Variants in SLC35F3 observed in about 807,000 individuals in gnomAD.
The protein encoded by SLC35F3 is solute carrier family 35 member F3.
Under a neutral mutation model 49.9 loss-of-function variants are expected in SLC35F3, and 25 were observed. That is an observed-to-expected ratio of 0.50 (90% CI 0.37 to 0.70). The LOEUF (loss-of-function observed/expected upper bound fraction) is 0.70, where lower values mean the gene tolerates loss of function less well. Among genes scored for constraint, SLC35F3 ranks in the 30% least tolerant of loss-of-function variants. The pLI, the probability that SLC35F3 is intolerant of heterozygous loss-of-function variation, is 0.00. For missense variants in SLC35F3, 525 were observed against 639.8 expected (o/e 0.82, Z 1.94); for synonymous variants, 275 against 265.4 (o/e 1.04, Z -0.35).
chr1:234,256,769 T>C (rs1479794136), intron 3 of SLC35F3, among the ~76,000 whole-genome samples: 1 of 152,226 alleles, frequency 6.6e-6, no homozygotes, highest in African/African-American at 2.4e-5. Context: ...GTTTCTCCTT[T>C]TGTAAATATT....
At chr1:234,218,519 G>A (rs1385830828) in intron 2 of SLC35F3, among the ~76,000 whole-genome samples, 1 of 152,178 alleles carries the variant, frequency 6.6e-6, no homozygotes, top group African/African-American at 2.4e-5. Context: ...ACTATGCTAG[G>A]AGAGATTGTT....
intron 2 of SLC35F3, among the ~76,000 whole-genome samples, chr1:234,064,609 T>G (rs1180057737): frequency 6.6e-6 from 1 of 152,194 alleles, no homozygotes; most frequent in Non-Finnish European, 1.5e-5. Context: ...TTCTTTATAG[T>G]TGTTGTGCTG....
intron 2 of SLC35F3, among the ~76,000 whole-genome samples, chr1:233,944,246 A>G (rs1401321711): frequency 6.6e-6 from 1 of 152,240 alleles, no homozygotes; most frequent in African/African-American, 2.4e-5. Flanking sequence ...CAACAAATCC[A>G]GGAGTTGTTT....
chr1:234,267,501 C>T (rs1405658382), intron 3 of SLC35F3, among the ~76,000 whole-genome samples: 40 of 139,130 alleles, frequency 2.9e-4, no homozygotes, highest in South Asian at 4.6e-4. Context: ...GCTGGCCGGG[C>T]GGGGGGCTGA....
chr1:234,030,889 G>T (rs6672833), intron 2 of SLC35F3, among the ~76,000 whole-genome samples: 21,558 of 152,138 alleles, frequency 0.14, 4,368 homozygotes, highest in African/African-American at 0.45. Context: ...TGTGAAGTCT[G>T]TGCCACTTTT....
chr1:234,095,013 C>T (rs1665097037), intron 2 of SLC35F3, among the ~76,000 whole-genome samples: 1 of 152,146 alleles, frequency 6.6e-6, no homozygotes, highest in Non-Finnish European at 1.5e-5. Flanking sequence ...TTTACATCCA[C>T]CCTCCGCTGG....
At chr1:234,179,701 A>G (rs568189147) in intron 2 of SLC35F3, among the ~76,000 whole-genome samples, 1 of 151,778 alleles carries the variant, frequency 6.6e-6, no homozygotes, top group African/African-American at 2.4e-5. Flanking sequence ...TGAGCCAAGG[A>G]CATGGCATTA....
At chr1:234,270,360 C>T (rs919071770) in intron 3 of SLC35F3, among the ~76,000 whole-genome samples, 1 of 152,272 alleles carries the variant, frequency 6.6e-6, no homozygotes, top group South Asian at 2.1e-4. Context: ...AGGAGAGGGT[C>T]CATTCTACAA....
intron 2 of SLC35F3, among the ~76,000 whole-genome samples, chr1:233,974,772 T>A (rs151059538): frequency 1.1e-3 from 167 of 152,360 alleles, no homozygotes; most frequent in Non-Finnish European, 1.9e-3. Flanking sequence ...GTCAGAGTTT[T>A]GTTCATTTTT....
At chr1:234,070,810 A>G (rs1378431879) in intron 2 of SLC35F3, among the ~76,000 whole-genome samples, 1 of 152,072 alleles carries the variant, frequency 6.6e-6, no homozygotes, top group Non-Finnish European at 1.5e-5. Flanking sequence ...ATAACATATC[A>G]GTTCATTTTA....
chr1:234,231,891 G>C lies in SLC35F3; in HGVS notation c.608+150G>C. On this transcript the variant is annotated intron_variant, in intron 3 of 7. Transcript: ENST00000366618. The surrounding 1 kb of genome is among the most constrained non-coding windows in gnomAD (Gnocchi z 5.4). ...CAGTGAATGCACCTGCTCTCAGTGGGGTCGGGAGCAGAATTCTGTCTACCC... is the reference window on the plus strand; with the variant it reads ...CAGTGAATGCACCTGCTCTCAGTGGCGTCGGGAGCAGAATTCTGTCTACCC... The C allele has an allele frequency of 2.7e-6, 2 of 751,338 alleles. No homozygotes were observed. The highest frequency in any genetic ancestry group is 4.4e-6 in the Non-Finnish European group (2 of 459,320). The allele number at this position is 751,338 out of a possible 1,614,324, so 46.5% of individuals were successfully genotyped here.
chr1:234,094,759 G>A (rs1355996323), intron 2 of SLC35F3, among the ~76,000 whole-genome samples: 1 of 152,160 alleles, frequency 6.6e-6, no homozygotes, highest in Non-Finnish European at 1.5e-5. Flanking sequence ...GGGCTTTGAA[G>A]GCACTGATGG....
At chr1:234,177,196 G>GCT (rs1666489433) in intron 2 of SLC35F3, among the ~76,000 whole-genome samples, 1 of 152,320 alleles carries the variant, frequency 6.6e-6, no homozygotes, top group South Asian at 2.1e-4. Context: ...TGCCATCCAT[G>GCT]TAAGATGTGA....
chr1:234,308,877 A>G (rs1174033104), intron 3 of SLC35F3, among the ~76,000 whole-genome samples: 4 of 152,260 alleles, frequency 2.6e-5, no homozygotes, highest in Middle Eastern at 3.4e-3. Context: ...TAACATGAAC[A>G]GAAGGAAGAA....
intron 3 of SLC35F3, among the ~76,000 whole-genome samples, chr1:234,282,888 G>A (rs187112906): frequency 3.0e-4 from 45 of 152,244 alleles, no homozygotes; most frequent in African/African-American, 9.9e-4. Context: ...TGATCCTTGG[G>A]GAATGGGTTA....
chr1:233,997,429 T>G (rs1219214986), intron 2 of SLC35F3, among the ~76,000 whole-genome samples: 1 of 152,182 alleles, frequency 6.6e-6, no homozygotes, highest in African/African-American at 2.4e-5. Context: ...TTTTTGATGA[T>G]AGTCACTCTA....
At chr1:234,256,751 A>G (rs957948666) in intron 3 of SLC35F3, among the ~76,000 whole-genome samples, 1 of 152,238 alleles carries the variant, frequency 6.6e-6, no homozygotes, top group African/African-American at 2.4e-5. Flanking sequence ...TCAATTGTGC[A>G]TGTGCACGTT....
intron 3 of SLC35F3, among the ~76,000 whole-genome samples, chr1:234,301,875 A>T (rs645139): frequency 0.75 from 114,704 of 152,170 alleles, 44,179 homozygotes; most frequent in African/African-American, 0.93. Context: ...AGAAATAAGA[A>T]CATGTCCTTT....
At chr1:234,144,472 A>G (rs1408293574) in intron 2 of SLC35F3, among the ~76,000 whole-genome samples, 1 of 151,948 alleles carries the variant, frequency 6.6e-6, no homozygotes, top group East Asian at 1.9e-4. Flanking sequence ...TCTACCTCTC[A>G]CTGATGGCTT....
Sources: allele counts gnomAD v4.1 joint callset (sites outside exome capture counted in the v4.1 genomes callset), GRCh38; gene constraint gnomAD v4.1.1; non-coding constraint Gnocchi (gnomAD v3.1); transcripts MANE v1.5; gene names NCBI Gene and HGNC (gene_info 2026-07-23, HGNC 2026-07-21).